Variants in XPO6 observed in about 807,000 individuals in gnomAD.
The protein encoded by XPO6 is exportin-6.
A neutral mutation model predicts 130.0 loss-of-function variants in XPO6; 3 were observed. The ratio of observed to expected loss-of-function variants is 0.02; its 90% CI spans 0.01 to 0.06. The LOEUF (loss-of-function observed/expected upper bound fraction) is 0.06, where lower values mean the gene tolerates loss of function less well. Among genes scored for constraint, XPO6 ranks in the 10% least tolerant of loss-of-function variants. The pLI is 1.00. For synonymous variants in XPO6, 524 were observed against 548.9 expected, an observed-to-expected ratio of 0.95 and a Z score of 0.63; for missense variants, 970 against 1,393.0, an observed-to-expected ratio of 0.70 and a Z score of 4.83.
At position 28,117,300 on chromosome 16, in the gene XPO6, G is replaced by A. The variant is rs746143006; in HGVS notation, c.2004+18C>T. 7 of 1,613,234 alleles carry A rather than the reference G, an allele frequency of 4.3e-6. No homozygotes were observed. The highest frequency in any genetic ancestry group is 5.9e-6 in the Non-Finnish European group (7 of 1,179,888). On this transcript the variant is annotated intron_variant, in intron 15 of 23. Transcript: ENST00000304658. ...ACAGAGAGTTAGATAAAAGGTGTAG[G>A]CTTTGCTGTTTCGAGACCTTGGTGC...
intron 1 of XPO6, among the ~76,000 whole-genome samples, chr16:28,191,401 G>A (rs1335691683): frequency 6.6e-6 from 1 of 152,134 alleles, no homozygotes; most frequent in Non-Finnish European, 1.5e-5. Flanking sequence ...CCCTTTCCCA[G>A]GTACATATCC....
At chr16:28,121,604 A>G (rs1238164758) in intron 14 of XPO6, 66 bp downstream of exon 14, 1 of 1,205,682 alleles carries the variant, frequency 8.3e-7, no homozygotes. Context: ...TTTCTCAATC[A>G]AATTATTTGG....
chr16:28,151,417 C>T (rs1348364502), intron 8 of XPO6, among the ~76,000 whole-genome samples: 4 of 152,118 alleles, frequency 2.6e-5, no homozygotes, highest in Admixed American at 2.6e-4. Context: ...CCACACACAA[C>T]GCAAACGAAG....
chr16:28,193,557 C>A (rs2043815204), intron 1 of XPO6, among the ~76,000 whole-genome samples: 1 of 152,206 alleles, frequency 6.6e-6, no homozygotes, highest in African/African-American at 2.4e-5. Flanking sequence ...CTCCACCCCA[C>A]TGGCGAGGCA....
intron 12 of XPO6, among the ~76,000 whole-genome samples, chr16:28,128,075 A>G (rs1195829335): frequency 1.3e-5 from 2 of 152,184 alleles, no homozygotes; most frequent in African/African-American, 4.8e-5. Context: ...ACGAAAGGGA[A>G]CACAGACTTC....
chr16:28,138,005 C>T (rs1437805927), intron 9 of XPO6, among the ~76,000 whole-genome samples: 1 of 152,120 alleles, frequency 6.6e-6, no homozygotes, highest in Admixed American at 6.6e-5. Context: ...CAATGACTCC[C>T]CAACTGTATG....
At chr16:28,211,136 G>A (rs1399655674) in intron 1 of XPO6, among the ~76,000 whole-genome samples, 1 of 152,204 alleles carries the variant, frequency 6.6e-6, no homozygotes, top group Non-Finnish European at 1.5e-5. Context: ...CAGATGCAAG[G>A]GTTGTGCCTG....
chr16:28,164,470 T>C (rs1248029201), intron 6 of XPO6, among the ~76,000 whole-genome samples: 2 of 152,128 alleles, frequency 1.3e-5, no homozygotes, highest in African/African-American at 4.8e-5. Flanking sequence ...CAAATGAACA[T>C]GCAATTTTTT....
At chr16:28,197,511 G>A (rs531129592) in intron 1 of XPO6, among the ~76,000 whole-genome samples, 1 of 152,202 alleles carries the variant, frequency 6.6e-6, no homozygotes, top group Non-Finnish European at 1.5e-5. Context: ...TATTAAATTA[G>A]CGACAATTTT....
intron 17 of XPO6, among the ~76,000 whole-genome samples, chr16:28,107,976 A>G (rs773044542): frequency 2.0e-5 from 3 of 152,138 alleles, no homozygotes; most frequent in Non-Finnish European, 4.4e-5. Flanking sequence ...ATTGGCAACA[A>G]GTCCACAGAA....
rs551104190 is a variant in XPO6 at position 28,139,338 on chromosome 16, A to G, written c.1335-4014T>C. Among the ~76,000 whole-genome samples, 5 of 152,352 alleles carry G rather than the reference A, an allele frequency of 3.3e-5. No homozygotes were observed. In the East Asian group the frequency reaches 9.6e-4, roughly 29 times the overall value. ...GCCAGCATCTTGAAGTGGAACTTCT[A>G]GACTCCAAAACTAAGAGAAAATAAA... On this transcript the variant is annotated intron_variant, in intron 9 of 23. Coordinates refer to ENST00000304658, the MANE Select transcript of XPO6 (RefSeq NM_015171.4).
At chr16:28,192,137 C>G (rs1215504286) in intron 1 of XPO6, among the ~76,000 whole-genome samples, 1 of 151,828 alleles carries the variant, frequency 6.6e-6, no homozygotes, top group Non-Finnish European at 1.5e-5. Flanking sequence ...GTGGCGGACA[C>G]CTGTAATCCC....
intron 1 of XPO6, among the ~76,000 whole-genome samples, chr16:28,185,702 T>C (rs1290310656): frequency 1.3e-5 from 2 of 152,208 alleles, no homozygotes; most frequent in Admixed American, 6.5e-5. Flanking sequence ...TCCTGATTTC[T>C]AGGAACCATC....
chr16:28,141,942 T>G (rs28520953), intron 9 of XPO6, among the ~76,000 whole-genome samples: 151,759 of 152,370 alleles, frequency 1, 75,584 homozygotes, highest in Middle Eastern at 1. Flanking sequence ...ACCAGGCAAG[T>G]GAGCATGCAG....
chr16:28,106,010 G>A lies in XPO6; in HGVS notation c.2784+33C>T, dbSNP rs747560509. 6.3e-7 allele frequency: 1 copy of A among 1,590,888 alleles called. No individual in the cohort carries two copies. Among genetic ancestry groups the A allele is most frequent in the African/African-American group, 1.3e-5 (1 of 74,492 alleles). On this transcript the variant is annotated intron_variant, in intron 20 of 23. Transcript: ENST00000304658. This position sits in a 1 kb window ranked among gnomAD's most constrained non-coding sequence, Gnocchi z 4.2. Reference sequence around the variant, plus strand: ...ATTCCCTTCCCAATCTGGAGATGGGGGGTGCTGCACAGGGGACCGTCTGAG... The same window carrying A: ...ATTCCCTTCCCAATCTGGAGATGGGAGGTGCTGCACAGGGGACCGTCTGAG...
intron 17 of XPO6, among the ~76,000 whole-genome samples, chr16:28,110,790 A>G (rs535815467): frequency 6.6e-5 from 10 of 152,340 alleles, no homozygotes; most frequent in African/African-American, 2.4e-4. Flanking sequence ...ATTTTTGAAA[A>G]ATACTTAGAA....
chr16:28,169,018 A>C (rs1253685523), intron 5 of XPO6, among the ~76,000 whole-genome samples: 3 of 152,186 alleles, frequency 2.0e-5, no homozygotes, highest in East Asian at 1.9e-4. Context: ...ATCCAAGAAG[A>C]AGCCTGGATA....
At chr16:28,182,765 A>T (rs2043638925) in intron 1 of XPO6, among the ~76,000 whole-genome samples, 1 of 152,218 alleles carries the variant, frequency 6.6e-6, no homozygotes, top group South Asian at 2.1e-4. Flanking sequence ...TGATCAAAAC[A>T]GCCTCACTGT....
At chr16:28,199,173 C>G (rs2043914763) in intron 1 of XPO6, among the ~76,000 whole-genome samples, 3 of 152,186 alleles carry the variant, frequency 2.0e-5, no homozygotes, top group African/African-American at 7.2e-5. Context: ...TAAACAAACC[C>G]TTTTTATAAA....
Sources: allele counts gnomAD v4.1 joint callset (sites outside exome capture counted in the v4.1 genomes callset), GRCh38; gene constraint gnomAD v4.1.1; non-coding constraint Gnocchi (gnomAD v3.1); transcripts MANE v1.5; gene names NCBI Gene and HGNC (gene_info 2026-07-23, HGNC 2026-07-21).